The following ABCA6 variants were observed in gnomAD, a reference collection of about 807,000 sequenced individuals.
The protein encoded by ABCA6 is ATP binding cassette subfamily A member 6.
A neutral mutation model predicts 191.2 loss-of-function variants in ABCA6; 164 were observed. That is an observed-to-expected ratio of 0.86 (90% CI 0.76 to 0.98). ABCA6 has a LOEUF of 0.98. ABCA6 is among the 50% of genes least tolerant of loss of function. The pLI, the probability that ABCA6 is intolerant of heterozygous loss-of-function variation, is 0.00. For missense variants in ABCA6, 1,958 were observed against 1,894.1 expected, an observed-to-expected ratio of 1.03 and a Z score of -0.63; for synonymous variants, 636 against 647.7, an observed-to-expected ratio of 0.98 and a Z score of 0.27.
In ABCA6 at chr17:69,105,535, G is replaced by A. The variant is rs1055205297; in HGVS notation, c.2667C>T (p.Asn889=). ...LNEKIDWEFK[N]ELYFLSPGQL... The stretch of plus-strand genomic sequence containing the variant: ...GTCCAGGAGAGAGAAAATACAATTC[G>A]TTTTTAAATTCCCAATCGATCTTTT... Residue 889 remains asparagine, a synonymous_variant, in exon 20 of 39, where the codon AAC becomes AAT. Transcript: ENST00000284425. The A allele has an allele frequency of 1.3e-5, 21 of 1,608,522 alleles. No homozygotes were observed. The highest frequency in any genetic ancestry group is 2.7e-5 in the African/African-American group (2 of 74,844).
chr17:69,133,853 G>A lies in ABCA6; in HGVS notation c.579C>T (p.His193=), dbSNP rs754908394. The A allele has an allele frequency of 1.3e-5, 20 of 1,589,338 alleles. No homozygotes were observed. The highest frequency in any genetic ancestry group is 2.7e-5 in the African/African-American group (2 of 73,778). Reference sequence around the variant, plus strand: ...CTGACATCAACTCCTCCATCACAGGGTGATTGGTTGTGATCTAAAGTAGAG... The same window carrying A: ...CTGACATCAACTCCTCCATCACAGGATGATTGGTTGTGATCTAAAGTAGAG... The part of the protein sequence containing the change: ...NTAIIEITTN[H]PVMEELMSVT... Residue 193 remains histidine, a synonymous_variant, in exon 6 of 39, where the codon CAC becomes CAT. Transcript: ENST00000284425.
chr17:69,140,531 A>G, intron 2 of ABCA6, 77 bp downstream of exon 2: 1 of 763,466 alleles, frequency 1.3e-6, no homozygotes, highest in East Asian at 2.9e-5. Flanking sequence ...TAATTAAAAG[A>G]GAACATAAGA....
At chr17:69,119,307 A>G (rs1488490686) in intron 10 of ABCA6, among the ~76,000 whole-genome samples, 4 of 151,730 alleles carry the variant, frequency 2.6e-5, no homozygotes, top group Non-Finnish European at 4.4e-5. Context: ...ACATTCAACT[A>G]CTCTCTTCCT....
At chr17:69,088,311 T>C in intron 27 of ABCA6, 53 bp from the exon 28 acceptor site, 3 of 1,318,658 alleles carry the variant, frequency 2.3e-6, no homozygotes, top group Non-Finnish European at 3.1e-6. Context: ...AAATATTATT[T>C]AAATATTTGA....
intron 12 of ABCA6, 35 bp downstream of exon 12, chr17:69,115,341 G>A (rs1373441641): frequency 6.7e-7 from 1 of 1,494,568 alleles, no homozygotes; most frequent in South Asian, 1.2e-5. Flanking sequence ...TCTATTATAA[G>A]ACATCTTGCC....
chr17:69,137,672 A>C (rs1035081830), intron 2 of ABCA6, among the ~76,000 whole-genome samples, 172 bp from the exon 3 acceptor site: 2 of 152,226 alleles, frequency 1.3e-5, no homozygotes, highest in African/African-American at 4.8e-5. Context: ...ATACTGAGAC[A>C]GTAGCCACAT....
At position 69,079,197 on chromosome 17, in the gene ABCA6, C is replaced by A. The variant is rs1185199602; in HGVS notation, c.4752+13G>T. On this transcript the variant is annotated intron_variant, in intron 38 of 38. Coordinates refer to ENST00000284425, the MANE Select transcript of ABCA6 (RefSeq NM_080284.3). ...ATTTACCAGATGATACAAAGTCAAA[C>A]CACTTGACTTACCTTCTCCAGTGTG... 1.2e-6 allele frequency: 2 copies of A among 1,607,198 alleles called. No individual in the cohort carries two copies. The highest frequency in any genetic ancestry group is 3.4e-5 in the Admixed American group (2 of 59,418).
chr17:69,091,083 A>C, intron 26 of ABCA6, 60 bp downstream of exon 26: 1 of 1,541,468 alleles, frequency 6.5e-7, no homozygotes, highest in South Asian at 1.2e-5. Flanking sequence ...TTGATCTGGG[A>C]AAAGCACTTT....
intron 22 of ABCA6, chr17:69,098,561 G>T (rs1010853829): frequency 7.0e-6 from 1 of 142,038 alleles, no homozygotes; most frequent in African/African-American, 2.6e-5. Flanking sequence ...GGAGGCAGAG[G>T]TTGCAGTGAG....
chr17:69,113,816 C>T (rs891247975), intron 13 of ABCA6, 79 bp from the exon 14 acceptor site: 22 of 1,220,518 alleles, frequency 1.8e-5, no homozygotes, highest in African/African-American at 4.5e-5. Context: ...TGAAAAAATG[C>T]TCATCATCAC....
intron 20 of ABCA6, chr17:69,103,976 A>G (rs997342882): frequency 6.7e-6 from 1 of 148,630 alleles, no homozygotes; most frequent in Non-Finnish European, 1.5e-5. Context: ...AAATAAGGCC[A>G]AACCTTAGAT....
chr17:69,115,400 T>G lies in ABCA6; in HGVS notation c.1582A>C (p.Asn528His). The change falls in exon 12 of 39, where the codon AAT becomes CAT. Residue 528 changes from asparagine to histidine, a missense_variant. Coordinates refer to ENST00000284425, the MANE Select transcript of ABCA6 (RefSeq NM_080284.3). ...CCTTCTGTTGGAACAGACAATCCAT[T>G]AAGAATATTTAGCAGTGAAGATTTG... is the stretch of plus-strand genomic sequence containing the variant. ...AGKSSLLNIL[N>H]GLSVPTEGSV... The G allele has an allele frequency of 6.2e-7, 1 of 1,610,638 alleles. No individual in the cohort carries two copies. The highest frequency in any genetic ancestry group is 8.5e-7 in the Non-Finnish European group (1 of 1,178,252).
chr17:69,102,000 G>T (rs542894704), intron 21 of ABCA6, among the ~76,000 whole-genome samples: 44 of 152,138 alleles, frequency 2.9e-4, no homozygotes, highest in African/African-American at 1.0e-3. Flanking sequence ...ACTTAATTAG[G>T]CCCCTTGCTT....
intron 11 of ABCA6, chr17:69,115,915 G>A (rs969878356): frequency 1.3e-5 from 2 of 151,880 alleles, no homozygotes; most frequent in Non-Finnish European, 2.9e-5. Flanking sequence ...CTGGAGTGCA[G>A]TGGAGCAATC....
chr17:69,087,247 T>G (rs1338269540), intron 29 of ABCA6, 106 bp downstream of exon 29: 1 of 1,433,614 alleles, frequency 7.0e-7, no homozygotes, highest in Non-Finnish European at 9.5e-7. Flanking sequence ...AATACAGAAA[T>G]GCACCAAACT....
In ABCA6 at chr17:69,080,051, C is replaced by T. The variant is rs982017051; in HGVS notation, c.4697-786G>A. ...GCCTGGATGTTTAGGAAGGAGAATT[C>T]CAGGAAGAAGGATTAGCAAGTACAA... On this transcript the variant is annotated intron_variant, in intron 37 of 38. Coordinates refer to ENST00000284425, the MANE Select transcript of ABCA6 (RefSeq NM_080284.3). Among the ~76,000 whole-genome samples, 3 of 151,926 alleles carry T rather than the reference C, an allele frequency of 2.0e-5. No homozygotes were observed. In the South Asian group the frequency reaches 6.2e-4, roughly 32 times the overall value.
At chr17:69,106,523 G>T (rs184429128) in intron 18 of ABCA6, among the ~76,000 whole-genome samples, 408 of 151,188 alleles carry the variant, frequency 2.7e-3, no homozygotes, top group Non-Finnish European at 3.5e-3. Context: ...AACCTGGGAG[G>T]GGGAGGTTGC....
chr17:69,110,752 T>A (rs2073406157), intron 17 of ABCA6, 49 bp downstream of exon 17: 1 of 1,533,726 alleles, frequency 6.5e-7, no homozygotes, highest in Admixed American at 2.2e-5. Flanking sequence ...AATAATAATG[T>A]GAACATTTTT....
At position 69,140,715 on chromosome 17, in the gene ABCA6, G is replaced by A. The variant is rs544458792; in HGVS notation, c.-12C>T. 1.8e-4 allele frequency: 272 copies of A among 1,527,146 alleles called. 4 individuals carry two copies. In the South Asian group the frequency reaches 3.2e-3, roughly 18 times the overall value. 94.6% of individuals were successfully genotyped at this position (1,527,146 alleles called of 1,614,324 possible). A position where few individuals can be genotyped will look rare whatever the true frequency, so the allele number is the denominator to read the frequency against. ...TGTTTCATATTCATTTAGCCTATTC[G>A]CTGAAGGAGAAAGTAATCATGGTGG... On this transcript the variant is annotated 5_prime_UTR_variant, in exon 2 of 39. Transcript: ENST00000284425.
Sources: allele counts gnomAD v4.1 joint callset (sites outside exome capture counted in the v4.1 genomes callset), GRCh38; gene constraint gnomAD v4.1.1; transcripts MANE v1.5; gene names NCBI Gene and HGNC (gene_info 2026-07-23, HGNC 2026-07-21).